Variants in BTG3 observed in about 807,000 individuals in gnomAD.
BTG3 encodes protein BTG3.
Under a neutral mutation model 25.8 loss-of-function variants are expected in BTG3, and 4 were observed. That is an observed-to-expected ratio of 0.16 (90% confidence interval 0.08 to 0.36). The LOEUF (loss-of-function observed/expected upper bound fraction) is 0.36. BTG3 is among the 10% of genes least tolerant of loss of function. BTG3 has a pLI of 1.00. For synonymous variants in BTG3, 107 were observed against 99.9 expected (o/e 1.07, Z -0.42); for missense variants, 201 against 304.9 (o/e 0.66, Z 2.54).
chr21:17,593,883 T>C lies in BTG3; in HGVS notation c.*210A>G. The C allele has an allele frequency of 3.2e-6, 2 of 616,256 alleles. No homozygotes were observed. Among genetic ancestry groups the C allele is most frequent in the Non-Finnish European group, 5.2e-6 (2 of 383,434 alleles). 38.2% of individuals were successfully genotyped at this position (616,256 alleles called of 1,614,324 possible). A position where few individuals can be genotyped will look rare whatever the true frequency, so the allele number is the denominator to read the frequency against. On this transcript the variant is annotated 3_prime_UTR_variant, in exon 5 of 5. Coordinates refer to ENST00000348354, the MANE Select transcript of BTG3 (RefSeq NM_006806.5). ...AATATTAAAAACTTAGGCACTTGACTAACTTTAATAAAATTTCTCAAACTA... is the reference window on the plus strand; with the variant it reads ...AATATTAAAAACTTAGGCACTTGACCAACTTTAATAAAATTTCTCAAACTA...
In BTG3 at chr21:17,606,294, TCAA is replaced by T. The variant is rs2061641139; in HGVS notation, c.174-1300_174-1298del. ...AGCTACTAAGTGATGGATCTAGGGT[TCAA>T]ATCCAGGCCACTAGACTCCAAAGAG... On this transcript the variant is annotated intron_variant, in intron 2 of 4. Coordinates refer to ENST00000348354, the MANE Select transcript of BTG3 (RefSeq NM_006806.5). Among the ~76,000 whole-genome samples, 3 of 152,130 alleles carry T rather than the reference TCAA, an allele frequency of 2.0e-5. No homozygotes were observed. In the South Asian group the frequency reaches 6.2e-4, roughly 31 times the overall value.
intron 2 of BTG3, among the ~76,000 whole-genome samples, chr21:17,608,358 G>A (rs1434364313): frequency 3.4e-5 from 5 of 146,848 alleles, no homozygotes; most frequent in Admixed American, 2.7e-4. Context: ...GGGTGACAGA[G>A]CAAAAACAAT....
chr21:17,596,524 A>C (rs2123429082), intron 4 of BTG3, among the ~76,000 whole-genome samples: 1 of 152,126 alleles, frequency 6.6e-6, no homozygotes, highest in South Asian at 2.1e-4. Flanking sequence ...CAGTTGTTTC[A>C]GCACAAGTTC....
chr21:17,611,030 TACAGCCAGCTAGCAGGC>T lies in BTG3; in HGVS notation c.-9+1652_-9+1668del, dbSNP rs940283797. Among the ~76,000 whole-genome samples, 12 of 151,952 alleles carry T rather than the reference TACAGCCAGCTAGCAGGC, an allele frequency of 7.9e-5. 1 individual carries two copies. Among genetic ancestry groups the T allele is most frequent in the Admixed American group, 7.9e-4 (12 of 15,286 alleles). On this transcript the variant is annotated intron_variant, in intron 1 of 4. Coordinates refer to ENST00000348354, the MANE Select transcript of BTG3 (RefSeq NM_006806.5). The stretch of plus-strand genomic sequence containing the variant: ...ACCCTAGAATGAGAAATTCACCTTC[TACAGCCAGCTAGCAGGC>T]ACCGGGCATGGGTCCACACACGAGT...
At chr21:17,610,161 G>A (rs868132994) in intron 1 of BTG3, among the ~76,000 whole-genome samples, 2 of 152,138 alleles carry the variant, frequency 1.3e-5, no homozygotes, top group Non-Finnish European at 2.9e-5. Flanking sequence ...AGTGGCCTAC[G>A]GGGAAGTGGG....
At chr21:17,605,270 T>C (rs2061624229) in intron 2 of BTG3, 1 of 261,524 alleles carries the variant, frequency 3.8e-6, no homozygotes, top group Admixed American at 5.2e-5. Context: ...CCCATGTACA[T>C]TAAATGAGCA....
chr21:17,598,899 G>T, intron 3 of BTG3, 75 bp from the exon 4 acceptor site: 1 of 1,153,684 alleles, frequency 8.7e-7, no homozygotes, highest in Non-Finnish European at 1.2e-6. Flanking sequence ...AAAACAAAGA[G>T]ATCTGGACAT....
At position 17,594,241 on chromosome 21, in the gene BTG3, T is replaced by C. The variant is rs758454807; in HGVS notation, c.611A>G (p.His204Arg). The C allele has an allele frequency of 1.2e-6, 2 of 1,613,368 alleles. No individual in the cohort carries two copies. The highest frequency in any genetic ancestry group is 2.2e-5 in the East Asian group (1 of 44,862). The change falls in exon 5 of 5, where the codon CAC becomes CGC. Residue 204 changes from histidine to arginine, a missense_variant. His to Arg is a conservative substitution (Grantham distance 29). This residue lies in a region of BTG3 where 131 missense variants were observed against 129.3 expected (regional missense o/e 1.01). Transcript: ENST00000348354. Reference protein sequence around the residue: ...GMYRGNGHQNHYPPPVPFGYP... With the variant: ...GMYRGNGHQNRYPPPVPFGYP... ...ACCAAATGGAACAGGAGGAGGATAG[T>C]GATTCTGATGGCCATTCCCTCGATA...
At chr21:17,606,005 TA>T (rs2061635333) in intron 2 of BTG3, among the ~76,000 whole-genome samples, 1 of 152,228 alleles carries the variant, frequency 6.6e-6, no homozygotes, top group African/African-American at 2.4e-5. Flanking sequence ...AAAGTTTTTG[TA>T]AAAGTTAAAT....
intron 1 of BTG3, among the ~76,000 whole-genome samples, chr21:17,609,490 T>A (rs961946112): frequency 2.0e-5 from 3 of 152,224 alleles, no homozygotes; most frequent in African/African-American, 7.2e-5. Context: ...TGTGTGTCAA[T>A]ATTTAGCTGC....
chr21:17,611,210 T>C (rs2061718120), intron 1 of BTG3, among the ~76,000 whole-genome samples: 1 of 152,188 alleles, frequency 6.6e-6, no homozygotes, highest in Admixed American at 6.5e-5. Flanking sequence ...GGCAATTTAA[T>C]ATACGGGTTG....
At position 17,594,150 on chromosome 21, in the gene BTG3, A is replaced by G. The variant is rs747355404; in HGVS notation, c.702T>C (p.Pro234=). ...RPIPVTWVPP[P]GMHCDRNHWI... ...AGTGATTCCGGTCACAATGCATTCC[A>G]GGAGGAGGTACCCATGTCACTGGAA... Residue 234 remains proline, a synonymous_variant, in exon 5 of 5, where the codon CCT becomes CCC. Coordinates refer to ENST00000348354, the MANE Select transcript of BTG3 (RefSeq NM_006806.5). The G allele has an allele frequency of 1.2e-6, 2 of 1,613,182 alleles. No homozygotes were observed. Among genetic ancestry groups the G allele is most frequent in the African/African-American group, 2.7e-5 (2 of 74,898 alleles).
At chr21:17,611,035 C>A (rs1382302919) in intron 1 of BTG3, among the ~76,000 whole-genome samples, 1 of 148,346 alleles carries the variant, frequency 6.7e-6, no homozygotes, top group Non-Finnish European at 1.5e-5. Context: ...CCTTCTACAG[C>A]CAGCTAGCAG....
chr21:17,612,418 C>T (rs1275793165), intron 1 of BTG3: 1 of 152,216 alleles, frequency 6.6e-6, no homozygotes, highest in African/African-American at 2.4e-5. Flanking sequence ...GAATGTAACG[C>T]GCTGTGGGAA....
Position 17,593,847 on chromosome 21 carries a change from TACTC to T in BTG3, c.*242_*245del. ...ACAGAGTTGATGCACAATATATAAA[TACTC>T]AAGTCCAATATTAAAAACTTAGGCA... On this transcript the variant is annotated 3_prime_UTR_variant, in exon 5 of 5. Coordinates refer to ENST00000348354, the MANE Select transcript of BTG3 (RefSeq NM_006806.5). 6.3e-6 allele frequency: 3 copies of T among 474,682 alleles called. No homozygotes were observed. The highest frequency in any genetic ancestry group is 1.1e-5 in the Non-Finnish European group (3 of 272,902). The allele number at this position is 474,682 out of a possible 1,614,324, so 29.4% of individuals were successfully genotyped here. A position where few individuals can be genotyped will look rare whatever the true frequency, so the allele number is the denominator to read the frequency against.
chr21:17,604,788 C>T (rs1358267645), intron 3 of BTG3, 72 bp downstream of exon 3: 15 of 1,496,674 alleles, frequency 1.0e-5, no homozygotes, highest in Admixed American at 2.1e-5. Context: ...ACAGGCAGGC[C>T]GTACATGACA....
intron 1 of BTG3, among the ~76,000 whole-genome samples, 176 bp from the exon 2 acceptor site, chr21:17,609,328 C>A (rs1036193482): frequency 6.6e-6 from 1 of 152,078 alleles, no homozygotes; most frequent in Non-Finnish European, 1.5e-5. Context: ...GCCATAAAGG[C>A]CTTATTATAA....
chr21:17,606,612 T>G (rs750111024), intron 2 of BTG3, among the ~76,000 whole-genome samples: 19 of 152,178 alleles, frequency 1.2e-4, no homozygotes, highest in Admixed American at 2.0e-4. Flanking sequence ...TTACAAATTA[T>G]ATATAAATAT....
chr21:17,596,325 G>T (rs986791282), intron 4 of BTG3, among the ~76,000 whole-genome samples: 1 of 151,798 alleles, frequency 6.6e-6, no homozygotes, highest in Non-Finnish European at 1.5e-5. Context: ...TCCCTTATTA[G>T]TTACTTTTTG....
Sources: gnomAD v4.1 joint callset for allele counts (sites outside exome capture counted in the v4.1 genomes callset) on GRCh38, gnomAD v4.1.1 for gene constraint, gnomAD v4.1.1 regional missense constraint, MANE v1.5 for transcripts, NCBI Gene and HGNC (gene_info 2026-07-23, HGNC 2026-07-21) for gene names.